PXDNL: variants seen among roughly 807,000 people sequenced by gnomAD.
PXDNL encodes probable oxidoreductase PXDNL.
A neutral mutation model predicts 150.8 loss-of-function variants in PXDNL; 145 were observed. The observed-to-expected ratio is 0.96, with a 90% CI of 0.84 to 1.10. The LOEUF (loss-of-function observed/expected upper bound fraction) is 1.10. Ranked by LOEUF, PXDNL falls within the 50% of genes least tolerant of loss-of-function variation. PXDNL has a pLI of 0.00. For synonymous variants in PXDNL, 757 were observed against 725.7 expected, an observed-to-expected ratio of 1.04 and a Z score of -0.69; for missense variants, 2,087 against 1,873.9, an observed-to-expected ratio of 1.11 and a Z score of -2.10.
rs763327128 is a variant in PXDNL, at chr8:51,472,263, G to A, written c.736C>T (p.Pro246Ser). Residue 246 changes from proline (P) to serine (S), a missense_variant, in exon 8 of 23, where the codon CCA becomes TCA. Physicochemically the swap from Pro to Ser is moderately conservative, Grantham distance 74. Coordinates refer to ENST00000356297, the MANE Select transcript of PXDNL (RefSeq NM_144651.5). ...GTGAAGTAGACGGTATTTCCTGATG[G>A]TACCTCCACATCCTGCGGCTCAAAA... ...ITFEPQDVEV[P>S]SGNTVYFTCR... 1.2e-6 allele frequency: 2 copies of A among 1,613,244 alleles called. No individual in the cohort carries two copies. Among genetic ancestry groups the A allele is most frequent in the African/African-American group, 2.7e-5 (2 of 74,872 alleles).
chr8:51,703,444 T>C (rs1563512496), intron 1 of PXDNL, among the ~76,000 whole-genome samples: 1 of 152,238 alleles, frequency 6.6e-6, no homozygotes, highest in Non-Finnish European at 1.5e-5. Flanking sequence ...ATTTTTCATA[T>C]AAACCAGTAC....
At chr8:51,796,358 A>C (rs4498530) in intron 1 of PXDNL, among the ~76,000 whole-genome samples, 100,015 of 148,148 alleles carry the variant, frequency 0.68, 39,995 homozygotes, top group Non-Finnish European at 0.89. Flanking sequence ...AAAAAAAAAA[A>C]CCTTCAAAAA....
intron 1 of PXDNL, among the ~76,000 whole-genome samples, chr8:51,804,423 T>A (rs190168226): frequency 3.3e-5 from 5 of 152,274 alleles, no homozygotes; most frequent in Non-Finnish European, 5.9e-5. Context: ...TTTCACACTC[T>A]CCATGATTCA....
At chr8:51,452,921 A>AACACATACACAC (rs1406481204) in intron 10 of PXDNL, among the ~76,000 whole-genome samples, 1 of 20,676 alleles carries the variant, frequency 4.8e-5, no homozygotes, top group African/African-American at 1.5e-4. Flanking sequence ...CACACACACA[A>AACACATACACAC]ACGCACACAC....
chr8:51,690,216 A>T (rs1418325965), intron 1 of PXDNL, among the ~76,000 whole-genome samples: 2 of 152,140 alleles, frequency 1.3e-5, no homozygotes, highest in African/African-American at 4.8e-5. Flanking sequence ...CATGTGCACA[A>T]TGTGCAGGTT....
intron 1 of PXDNL, among the ~76,000 whole-genome samples, chr8:51,659,515 T>C (rs1235136717): frequency 1.3e-5 from 2 of 152,184 alleles, no homozygotes; most frequent in African/African-American, 4.8e-5. Context: ...CCGTGGCAGA[T>C]TGAGGATGAA....
At chr8:51,554,721 C>T (rs1812565927) in intron 4 of PXDNL, among the ~76,000 whole-genome samples, 1 of 152,138 alleles carries the variant, frequency 6.6e-6, no homozygotes, top group Non-Finnish European at 1.5e-5. Context: ...AAATAATGGC[C>T]TTTACTCCAG....
chr8:51,666,060 A>G (rs1275488248), intron 1 of PXDNL, among the ~76,000 whole-genome samples: 1 of 152,206 alleles, frequency 6.6e-6, no homozygotes, highest in Non-Finnish European at 1.5e-5. Context: ...ATTTTGTTGC[A>G]TTTCTTCTTC....
intron 8 of PXDNL, among the ~76,000 whole-genome samples, chr8:51,464,529 A>G (rs60890410): frequency 0.011 from 1,693 of 152,286 alleles, 34 homozygotes; most frequent in African/African-American, 0.039. Flanking sequence ...AGAAATGACA[A>G]AGATGATACT....
At chr8:51,556,607 A>G (rs376800005) in intron 4 of PXDNL, among the ~76,000 whole-genome samples, 2 of 152,204 alleles carry the variant, frequency 1.3e-5, no homozygotes, top group African/African-American at 4.8e-5. Context: ...CCAATGTCAC[A>G]CAAGTAATAA....
chr8:51,483,898 A>G (rs1002424537), intron 5 of PXDNL, among the ~76,000 whole-genome samples, 184 bp from the exon 6 acceptor site: 2 of 152,168 alleles, frequency 1.3e-5, no homozygotes, highest in African/African-American at 4.8e-5. Flanking sequence ...ATCTCTATCT[A>G]CCACTACTAT....
At position 51,448,861 on chromosome 8, in the gene PXDNL, A is replaced by G; in HGVS notation, c.1366+141T>C. ...ACCACGAAAATTATGATGATGTCAT[A>G]TTTAGATCAAAGATTATTTTCTGTG... On this transcript the variant is annotated intron_variant, in intron 11 of 22. Transcript: ENST00000356297. The G allele has an allele frequency of 4.4e-6, 3 of 681,350 alleles. No homozygotes were observed. The South Asian group carries it at 5.0e-5, about 11-fold the overall frequency. The allele number at this position is 681,350 out of a possible 1,614,324, so 42.2% of individuals were successfully genotyped here.
intron 1 of PXDNL, among the ~76,000 whole-genome samples, chr8:51,679,818 C>T (rs897977292): frequency 2.6e-5 from 4 of 152,264 alleles, no homozygotes; most frequent in Admixed American, 2.6e-4. Flanking sequence ...ATAAGCATCG[C>T]CTTCAGGAAG....
intron 1 of PXDNL, among the ~76,000 whole-genome samples, chr8:51,718,944 C>A (rs903125839): frequency 1.1e-4 from 17 of 151,972 alleles, no homozygotes; most frequent in Non-Finnish European, 1.6e-4. Flanking sequence ...GGGAGGGAGG[C>A]GGGGGGCAGC....
At chr8:51,688,416 C>A (rs982861213) in intron 1 of PXDNL, among the ~76,000 whole-genome samples, 3 of 152,120 alleles carry the variant, frequency 2.0e-5, no homozygotes, top group African/African-American at 7.2e-5. Context: ...ACACACAGAA[C>A]ACACTGCAGA....
At chr8:51,495,704 C>T (rs959351565) in intron 5 of PXDNL, among the ~76,000 whole-genome samples, 3 of 152,302 alleles carry the variant, frequency 2.0e-5, no homozygotes, top group East Asian at 1.9e-4. Context: ...TTCCTCGACA[C>T]ATACACCCTC....
Position 51,797,853 on chromosome 8 carries a change from G to A in PXDNL, c.164+11328C>T, listed in dbSNP as rs572781159. On this transcript the variant is annotated intron_variant, in intron 1 of 22. Coordinates refer to ENST00000356297, the MANE Select transcript of PXDNL (RefSeq NM_144651.5). ...TTAAAATTCATTTGGAACCAAAAAA[G>A]AGCCTGTATAGCCAAGACAATCCTA... Among the ~76,000 whole-genome samples the A allele has an allele frequency of 3.3e-5, 5 of 152,280 alleles. No homozygotes were observed. In the East Asian group the frequency reaches 9.6e-4, roughly 29 times the overall value.
chr8:51,675,434 C>T (rs895395486), intron 1 of PXDNL, among the ~76,000 whole-genome samples: 1 of 152,120 alleles, frequency 6.6e-6, no homozygotes, highest in Admixed American at 6.5e-5. Flanking sequence ...ATCAGACAAC[C>T]AAACCTACCA....
chr8:51,346,476 GA>G (rs1806162155), intron 19 of PXDNL, among the ~76,000 whole-genome samples: 1 of 152,158 alleles, frequency 6.6e-6, no homozygotes, highest in African/African-American at 2.4e-5. Context: ...CAATCAAAAA[GA>G]TATGAGAATA....
Sources: allele counts gnomAD v4.1 joint callset (sites outside exome capture counted in the v4.1 genomes callset), GRCh38; gene constraint gnomAD v4.1.1; transcripts MANE v1.5; gene names NCBI Gene and HGNC (gene_info 2026-07-23, HGNC 2026-07-21).